The following S100A14 variants were observed in gnomAD, a reference collection of about 807,000 sequenced individuals.
The protein encoded by S100A14 is S100 calcium binding protein A14.
In S100A14, 6 loss-of-function variants were observed where a neutral mutation model predicts 10.6. That is an observed-to-expected ratio of 0.57 (90% confidence interval 0.31 to 1.12). The LOEUF (loss-of-function observed/expected upper bound fraction) is 1.12, where lower values mean the gene tolerates loss of function less well. Among genes scored for constraint, S100A14 ranks in the 50% most tolerant of loss-of-function variants. The pLI, the probability that S100A14 is intolerant of heterozygous loss-of-function variation, is 0.06. For synonymous variants in S100A14, 51 were observed against 51.0 expected (o/e 1.00, Z 0.00); for missense variants, 121 against 128.7 (o/e 0.94, Z 0.29).
At position 153,615,234 on chromosome 1, in the gene S100A14, C is replaced by T. The variant is rs113897047; in HGVS notation, c.177+1G>A. The stretch of plus-strand genomic sequence containing the variant: ...TGAGGTGGGGTGTGCTCCGTCCATA[C>T]CGGCATGAGATGGGGCAGCTGCTGG... On this transcript the variant is annotated splice_donor_variant, in intron 3 of 3. Transcript: ENST00000344616. LOFTEE classifies it high-confidence loss of function. The T allele has an allele frequency of 6.2e-7, 1 of 1,613,400 alleles. No individual in the cohort carries two copies. Among genetic ancestry groups the T allele is most frequent in the African/African-American group, 1.3e-5 (1 of 74,882 alleles).
Position 153,615,895 on chromosome 1 carries a change from G to A in S100A14, c.-37C>T, listed in dbSNP as rs1236864523. On this transcript the variant is annotated 5_prime_UTR_variant, in exon 2 of 4. Coordinates refer to ENST00000344616, the MANE Select transcript of S100A14 (RefSeq NM_020672.3). The stretch of plus-strand genomic sequence containing the variant: ...TGTCTGGTCCTTTGGTGAGAGTTCT[G>A]TTGTCCTATAGCTGGCCCCAGAGGA... 3.1e-6 allele frequency: 5 copies of A among 1,612,030 alleles called. No individual in the cohort carries two copies. The highest frequency in any genetic ancestry group is 4.2e-6 in the Non-Finnish European group (5 of 1,178,178).
chr1:153,614,587 G>C lies in S100A14; in HGVS notation c.*298C>G, dbSNP rs1275803686. ...TATTCAAATCATTTCCCATAGCCCA[G>C]CTCCTCTCTGTTCTCCCCCTACTAC... On this transcript the variant is annotated 3_prime_UTR_variant, in exon 4 of 4. Transcript: ENST00000344616. 3 of 319,104 alleles carry C rather than the reference G, an allele frequency of 9.4e-6. No individual in the cohort carries two copies. Among genetic ancestry groups the C allele is most frequent in the Non-Finnish European group, 1.7e-5 (3 of 173,248 alleles). 19.8% of individuals were successfully genotyped at this position (319,104 alleles called of 1,614,324 possible). A position where few individuals can be genotyped will look rare whatever the true frequency, so the allele number is the denominator to read the frequency against.
chr1:153,615,148 G>A lies in S100A14; in HGVS notation c.177+87C>T, dbSNP rs895449374. The A allele has an allele frequency of 1.6e-5, 25 of 1,586,806 alleles. No homozygotes were observed. In the East Asian group the frequency reaches 3.4e-4, roughly 21 times the overall value. ...CACTGGCAAGGGGGAAGAGCTGGGG[G>A]TTGCAAGTGCCAGTGTGGGTGGGGT... On this transcript the variant is annotated intron_variant, in intron 3 of 3. Coordinates refer to ENST00000344616, the MANE Select transcript of S100A14 (RefSeq NM_020672.3).
chr1:153,615,236 G>T lies in S100A14; in HGVS notation c.176C>A (p.Pro59Gln), dbSNP rs374202418. 18 of 1,613,602 alleles carry T rather than the reference G, an allele frequency of 1.1e-5. No homozygotes were observed. The highest frequency in any genetic ancestry group is 1.5e-5 in the Non-Finnish European group (18 of 1,179,924). The change falls in exon 3 of 4, where the codon CCG becomes CAG. Residue 59 changes from proline to glutamine, a missense_variant and splice_region_variant. Transcript: ENST00000344616. ...LVTQQLPHLMPSNCGLEEKIA... is the reference protein window; with the variant it reads ...LVTQQLPHLMQSNCGLEEKIA... ...AGGTGGGGTGTGCTCCGTCCATACC[G>T]GCATGAGATGGGGCAGCTGCTGGGT...
chr1:153,615,797 G>A lies in S100A14; in HGVS notation c.30+32C>T, dbSNP rs1297702014. ...CCTCAGGGTGAAGGAGAGGAGTGTG[G>A]GAGCAGAAAGGCCAGGAGTGAATGA... is the stretch of plus-strand genomic sequence containing the variant. On this transcript the variant is annotated intron_variant, in intron 2 of 3. Coordinates refer to ENST00000344616, the MANE Select transcript of S100A14 (RefSeq NM_020672.3). 1.9e-6 allele frequency: 3 copies of A among 1,612,550 alleles called. No homozygotes were observed. The South Asian group carries it at 3.3e-5, about 18-fold the overall frequency.
At chr1:153,615,507 C>T in intron 2 of S100A14, 126 bp from the exon 3 acceptor site, 1 of 1,121,746 alleles carries the variant, frequency 8.9e-7, no homozygotes, top group Non-Finnish European at 1.3e-6. Flanking sequence ...CCACCCACTC[C>T]AGAGCCCAGA....
rs147872124 is a variant in S100A14, at chr1:153,614,886, C to T, written c.314G>A (p.Ter105=). 47 of 1,612,750 alleles carry T rather than the reference C, an allele frequency of 2.9e-5. No homozygotes were observed. In the African/African-American group the frequency reaches 5.3e-4, roughly 18 times the overall value. The change falls in exon 4 of 4, where the codon TGA becomes TAA. Residue 105 remains the stop codon, a stop_retained_variant. Coordinates refer to ENST00000344616, the MANE Select transcript of S100A14 (RefSeq NM_020672.3). ...CCCCAAGAATTCCAGAGGGAGTTCT[C>T]AGTGCCCCCGGACAGGCCTCTCCAG... ...VKLERPVRGH[*] is the part of the protein sequence containing the mutation.
chr1:153,615,311 A>G lies in S100A14; in HGVS notation c.101T>C (p.Val34Ala). The G allele has an allele frequency of 1.9e-6, 3 of 1,613,880 alleles. No individual in the cohort carries two copies. The highest frequency in any genetic ancestry group is 2.5e-6 in the Non-Finnish European group (3 of 1,179,966). ...GGTCAGCGTCTCCTTCCCACCCTCC[A>G]CGGAGTACTGGTGAAAGTTCTTGAT... ...TLIKNFHQYS[V>A]EGGKETLTPS... is the part of the protein sequence containing the mutation. Residue 34 changes from valine to alanine, a missense_variant, in exon 3 of 4, where the codon GTG becomes GCG. Transcript: ENST00000344616.
In S100A14 at chr1:153,615,929, C is replaced by T. The variant is rs1666954623; in HGVS notation, c.-71G>A. The T allele has an allele frequency of 2.0e-6, 3 of 1,492,702 alleles. No individual in the cohort carries two copies. The highest frequency in any genetic ancestry group is 1.4e-5 in the African/African-American group (1 of 72,962). The allele number at this position is 1,492,702 out of a possible 1,614,324, so 92.5% of individuals were successfully genotyped here. On this transcript the variant is annotated 5_prime_UTR_variant, in exon 2 of 4. Transcript: ENST00000344616. ...TAGCTGGCCCCAGAGGAGCTGATGG[C>T]TCATGATCTGCTTAGAGGAGGGGGT... is the stretch of plus-strand genomic sequence containing the variant.
At chr1:153,615,501 C>T in intron 2 of S100A14, 120 bp from the exon 3 acceptor site, 9 of 1,177,028 alleles carry the variant, frequency 7.6e-6, no homozygotes, top group Non-Finnish European at 1.1e-5. Context: ...CAGCTCCCAC[C>T]CACTCCAGAG....
At chr1:153,615,172 G>A in intron 3 of S100A14, 63 bp downstream of exon 3, 1 of 1,600,266 alleles carries the variant, frequency 6.2e-7, no homozygotes, top group South Asian at 1.1e-5. Context: ...TGTGGGTGGG[G>A]TCCCGGAGCA....
At chr1:153,615,760 G>A (rs1666949392) in intron 2 of S100A14, 69 bp downstream of exon 2, 2 of 1,537,788 alleles carry the variant, frequency 1.3e-6, no homozygotes, top group African/African-American at 2.7e-5. Context: ...AAGTCAGTGG[G>A]GGGACATAGA....
chr1:153,614,850 TC>T lies in S100A14; in HGVS notation c.*34del. On this transcript the variant is annotated 3_prime_UTR_variant, in exon 4 of 4. Coordinates refer to ENST00000344616, the MANE Select transcript of S100A14 (RefSeq NM_020672.3). ...GTTTTATCTCCAGGCCCACAGTCTC[TC>T]CCCAACACCCCCCAAGAATTCCAGA... The T allele has an allele frequency of 1.2e-6, 2 of 1,606,364 alleles. No individual in the cohort carries two copies. The highest frequency in any genetic ancestry group is 8.5e-7 in the Non-Finnish European group (1 of 1,176,346).
chr1:153,615,786 A>C (rs1292012448), intron 2 of S100A14, 43 bp downstream of exon 2: 1 of 1,608,404 alleles, frequency 6.2e-7, no homozygotes, highest in Admixed American at 1.7e-5. Context: ...AGGGTGAAGG[A>C]GAGGAGTGTG....
Position 153,614,895 on chromosome 1 carries a change from C to T in S100A14, c.305G>A (p.Arg102Gln), listed in dbSNP as rs141189360. 6.5e-5 allele frequency: 105 copies of T among 1,613,660 alleles called. No homozygotes were observed. In the African/African-American group the frequency reaches 1.2e-3, roughly 18 times the overall value. Residue 102 changes from arginine (R) to glutamine (Q), a missense_variant, in exon 4 of 4, where the codon CGG (arginine) becomes CAG (glutamine). Arg to Gln is a conservative substitution (Grantham distance 43, BLOSUM62 1). Coordinates refer to ENST00000344616, the MANE Select transcript of S100A14 (RefSeq NM_020672.3). ...TTCCAGAGGGAGTTCTCAGTGCCCC[C>T]GGACAGGCCTCTCCAGCTTCACACT... ...AKSVKLERPV[R>Q]GH
In S100A14 at chr1:153,615,950, G is replaced by C; in HGVS notation, c.-78-14C>G. The C allele has an allele frequency of 7.7e-7, 1 of 1,294,026 alleles. No individual in the cohort carries two copies. Among genetic ancestry groups the C allele is most frequent in the Admixed American group, 1.7e-5 (1 of 58,466 alleles). 80.2% of individuals were successfully genotyped at this position (1,294,026 alleles called of 1,614,324 possible). On this transcript the variant is annotated splice_polypyrimidine_tract_variant and intron_variant, in intron 1 of 3. Coordinates refer to ENST00000344616, the MANE Select transcript of S100A14 (RefSeq NM_020672.3). ...ATGGCTCATGATCTGCTTAGAGGAG[G>C]GGGTAGGCCTGAGCTGAGGAGAGAG... is the stretch of plus-strand genomic sequence containing the variant.
chr1:153,615,137 A>G (rs1666933322), intron 3 of S100A14, 98 bp downstream of exon 3: 18 of 1,583,610 alleles, frequency 1.1e-5, no homozygotes, highest in Non-Finnish European at 1.5e-5. Flanking sequence ...GGCAAGGGGG[A>G]AGAGCTGGGG....
Position 153,616,112 on chromosome 1 carries a change from A to G in S100A14, c.-78-176T>C, listed in dbSNP as rs1186173283. 5 of 465,340 alleles carry G rather than the reference A, an allele frequency of 1.1e-5. 1 individual carries two copies. Among genetic ancestry groups the G allele is most frequent in the Non-Finnish European group, 2.0e-5 (5 of 252,926 alleles). 28.8% of individuals were successfully genotyped at this position (465,340 alleles called of 1,614,324 possible). ...AGCCAAGGTCATATCCCCCAGGCCA[A>G]CGCATCTAGGGGGAATCCCTTGGAA... On this transcript the variant is annotated intron_variant, in intron 1 of 3. Coordinates refer to ENST00000344616, the MANE Select transcript of S100A14 (RefSeq NM_020672.3).
Position 153,614,964 on chromosome 1 carries a change from A to T in S100A14, c.236T>A (p.Leu79Gln), listed in dbSNP as rs768791008. 5.0e-6 allele frequency: 8 copies of T among 1,613,768 alleles called. No homozygotes were observed. In the Admixed American group the frequency reaches 1.3e-4, roughly 27 times the overall value. Reference sequence around the variant, plus strand: ...CAGCTCCCAGAAACTCCTGAACTCCAGTTTAGAGTCATTGCAGCTGCCCAG... The same window carrying T: ...CAGCTCCCAGAAACTCCTGAACTCCTGTTTAGAGTCATTGCAGCTGCCCAG... ...ANLGSCNDSK[L>Q]EFRSFWELIG... Residue 79 changes from leucine (L) to glutamine (Q), a missense_variant, in exon 4 of 4, where the codon CTG becomes CAG. Physicochemically the swap from Leu to Gln is moderately radical, Grantham distance 113 (BLOSUM62 -2). Transcript: ENST00000344616.
Sources: gnomAD v4.1 joint callset for allele counts on GRCh38, gnomAD v4.1.1 for gene constraint, MANE v1.5 for transcripts, NCBI Gene and HGNC (gene_info 2026-07-23, HGNC 2026-07-21) for gene names.